Variants in BMPR1A observed in about 807,000 individuals in gnomAD.
BMPR1A encodes the protein bone morphogenetic protein receptor type-1A.
In BMPR1A, 7 loss-of-function variants were observed where a neutral mutation model predicts 66.0. That is an observed-to-expected ratio of 0.11 (90% CI 0.06 to 0.20). The LOEUF (loss-of-function observed/expected upper bound fraction) is 0.20. Ranked by LOEUF, BMPR1A falls within the 10% of genes least tolerant of loss-of-function variation. The probability of loss-of-function intolerance (pLI) is 1.00; values close to 1 mark genes in which losing one functional copy is unlikely to be tolerated. For missense variants in BMPR1A, 408 were observed against 669.1 expected, an observed-to-expected ratio of 0.61 and a Z score of 4.31; for synonymous variants, 200 against 229.7, an observed-to-expected ratio of 0.87 and a Z score of 1.17.
chr10:86,864,156 TTCTTCC>T (rs1368461115), intron 2 of BMPR1A, among the ~76,000 whole-genome samples: 1 of 152,212 alleles, frequency 6.6e-6, no homozygotes, highest in Non-Finnish European at 1.5e-5. Flanking sequence ...ACAAGGTCTC[TTCTTCC>T]TCTGTGGATC....
intron 7 of BMPR1A, among the ~76,000 whole-genome samples, chr10:86,911,874 A>G (rs569112445): frequency 3.3e-5 from 5 of 152,330 alleles, no homozygotes; most frequent in South Asian, 2.1e-4. Context: ...GCATTGTTTC[A>G]TATCTATCAA....
chr10:86,872,970 C>T (rs529869550), intron 2 of BMPR1A, among the ~76,000 whole-genome samples: 1 of 152,256 alleles, frequency 6.6e-6, no homozygotes, highest in South Asian at 2.1e-4. Context: ...AAGTTAAAGG[C>T]AGATCCAGAA....
At chr10:86,771,665 C>T (rs1234382746) in intron 1 of BMPR1A, among the ~76,000 whole-genome samples, 2 of 152,188 alleles carry the variant, frequency 1.3e-5, no homozygotes, top group Non-Finnish European at 1.5e-5. Flanking sequence ...GTACTAGGCA[C>T]AGAGTTGACT....
chr10:86,926,840 A>G lies in BMPR1A; in HGVS notation c.*3121A>G, dbSNP rs757706841. 4.7e-5 allele frequency: 9 copies of G among 192,454 alleles called. No individual in the cohort carries two copies. The highest frequency in any genetic ancestry group is 8.3e-5 in the East Asian group (1 of 12,078). The allele number at this position is 192,454 out of a possible 1,614,324, so 11.9% of individuals were successfully genotyped here. A position where few individuals can be genotyped will look rare whatever the true frequency, so the allele number is the denominator to read the frequency against. ...CTATAAACAGGAAAAGTTAACCCTC[A>G]AAGAGAGTTCTTGTGAATTCTCTTT... On this transcript the variant is annotated 3_prime_UTR_variant, in exon 13 of 13. Coordinates refer to ENST00000372037, the MANE Select transcript of BMPR1A (RefSeq NM_004329.3).
At chr10:86,878,714 A>C (rs1166983995) in intron 3 of BMPR1A, among the ~76,000 whole-genome samples, 3 of 152,212 alleles carry the variant, frequency 2.0e-5, no homozygotes, top group African/African-American at 7.2e-5. Context: ...GATACCAGGA[A>C]AGCAAAAGTG....
intron 1 of BMPR1A, among the ~76,000 whole-genome samples, chr10:86,833,572 G>A (rs1050125173): frequency 6.6e-6 from 1 of 152,142 alleles, no homozygotes; most frequent in African/African-American, 2.4e-5. Flanking sequence ...TTTGGCTAAC[G>A]GTGCTGCCAT....
intron 2 of BMPR1A, among the ~76,000 whole-genome samples, chr10:86,871,215 G>A (rs987624180): frequency 4.6e-5 from 7 of 152,104 alleles, no homozygotes; most frequent in African/African-American, 1.7e-4. Context: ...GATTAGAGGG[G>A]GGTCACTGCC....
At chr10:86,851,872 G>A (rs1370494145) in intron 2 of BMPR1A, among the ~76,000 whole-genome samples, 2 of 152,158 alleles carry the variant, frequency 1.3e-5, no homozygotes, top group African/African-American at 2.4e-5. Context: ...TAATTTTATC[G>A]TATGAAATGA....
chr10:86,794,243 A>T (rs576298323), intron 1 of BMPR1A, among the ~76,000 whole-genome samples: 2 of 148,808 alleles, frequency 1.3e-5, no homozygotes, highest in Non-Finnish European at 3.0e-5. Flanking sequence ...AATTTTATCT[A>T]TTTTTTTTTT....
At chr10:86,901,912 G>A (rs906517274) in intron 7 of BMPR1A, among the ~76,000 whole-genome samples, 4 of 150,166 alleles carry the variant, frequency 2.7e-5, no homozygotes, top group Non-Finnish European at 5.9e-5. Context: ...TCTCCCAGGT[G>A]GAGTGCAGTG....
chr10:86,919,341 C>T lies in BMPR1A; in HGVS notation c.1038C>T (p.His346=). Residue 346 remains histidine, a synonymous_variant, in exon 10 of 13, where the codon CAC becomes CAT. Transcript: ENST00000372037. Reference sequence around the variant, plus strand: ...CTGCCTGTGGTCTGTGCCACCTGCACACAGAAATTTATGGCACCCAAGGAA... The same window carrying T: ...CTGCCTGTGGTCTGTGCCACCTGCATACAGAAATTTATGGCACCCAAGGAA... ...YSAACGLCHL[H]TEIYGTQGKP... The T allele has an allele frequency of 6.2e-7, 1 of 1,613,510 alleles. No homozygotes were observed. The highest frequency in any genetic ancestry group is 8.5e-7 in the Non-Finnish European group (1 of 1,179,862).
intron 2 of BMPR1A, among the ~76,000 whole-genome samples, chr10:86,845,665 G>T (rs1407151783): frequency 2.0e-5 from 3 of 152,130 alleles, no homozygotes; most frequent in Non-Finnish European, 4.4e-5. Context: ...GATCTACTCT[G>T]TCACTGACCC....
intron 1 of BMPR1A, among the ~76,000 whole-genome samples, chr10:86,826,495 A>T (rs560736179): frequency 2.3e-4 from 35 of 151,390 alleles, no homozygotes; most frequent in Non-Finnish European, 3.4e-4. Context: ...ATAAGCCACT[A>T]CCCCACCTCC....
chr10:86,914,739 A>G (rs954805644), intron 8 of BMPR1A, among the ~76,000 whole-genome samples: 1 of 152,224 alleles, frequency 6.6e-6, no homozygotes, highest in Non-Finnish European at 1.5e-5. Flanking sequence ...TCAACTAGAA[A>G]TCTCATACAT....
intron 1 of BMPR1A, among the ~76,000 whole-genome samples, chr10:86,766,212 G>A (rs1841160247): frequency 6.6e-6 from 1 of 151,850 alleles, no homozygotes; most frequent in African/African-American, 2.4e-5. Flanking sequence ...GGCTGGTCTC[G>A]AACTCCTGGG....
At chr10:86,890,301 C>T in intron 4 of BMPR1A, 77 bp downstream of exon 4, 1 of 1,568,448 alleles carries the variant, frequency 6.4e-7, no homozygotes, top group Non-Finnish European at 8.7e-7. Context: ...AATTATTAAA[C>T]TTGTCTGCGG....
intron 2 of BMPR1A, chr10:86,855,342 C>G: frequency 1.2e-6 from 1 of 826,258 alleles, no homozygotes. Context: ...TTCTATTTGC[C>G]ACTTCAGGAC....
intron 3 of BMPR1A, among the ~76,000 whole-genome samples, chr10:86,888,039 A>G (rs1244513522): frequency 1.3e-5 from 2 of 152,150 alleles, no homozygotes; most frequent in Non-Finnish European, 1.5e-5. Flanking sequence ...CTTTGTAGCA[A>G]TCAGATCCAA....
At chr10:86,903,300 A>G (rs1398571461) in intron 7 of BMPR1A, among the ~76,000 whole-genome samples, 1 of 152,202 alleles carries the variant, frequency 6.6e-6, no homozygotes, top group Non-Finnish European at 1.5e-5. Context: ...TTATAACTGT[A>G]TTTTTTATGT....
Sources: allele counts gnomAD v4.1 joint callset (sites outside exome capture counted in the v4.1 genomes callset), GRCh38; gene constraint gnomAD v4.1.1; transcripts MANE v1.5; gene names NCBI Gene and HGNC (gene_info 2026-07-23, HGNC 2026-07-21).